The following SYCP2L variants were observed in gnomAD, a reference collection of about 807,000 sequenced individuals.
SYCP2L encodes synaptonemal complex protein 2 like, also known as synaptonemal complex protein 2-like.
Under a neutral mutation model 125.8 loss-of-function variants are expected in SYCP2L, and 98 were observed. The observed-to-expected ratio is 0.78, with a 90% CI of 0.66 to 0.92. The LOEUF is 0.92. Among genes scored for constraint, SYCP2L ranks in the 40% least tolerant of loss-of-function variants. The pLI is 0.00. For synonymous variants in SYCP2L, 317 were observed against 325.4 expected, an observed-to-expected ratio of 0.97 and a Z score of 0.28; for missense variants, 842 against 936.4, an observed-to-expected ratio of 0.90 and a Z score of 1.32.
chr6:10,887,659 A>T (rs1254132105), intron 1 of SYCP2L, among the ~76,000 whole-genome samples: 1 of 152,212 alleles, frequency 6.6e-6, no homozygotes, highest in Non-Finnish European at 1.5e-5. Context: ...CGTGTTTCTA[A>T]CATTCTTCTG....
intron 23 of SYCP2L, among the ~76,000 whole-genome samples, chr6:10,949,248 C>T (rs529800209): frequency 1.2e-4 from 18 of 151,938 alleles, no homozygotes; most frequent in Non-Finnish European, 2.2e-4. Context: ...TTTCTGTTTT[C>T]TTGATAAATG....
At chr6:10,889,292 GAC>G (rs1273754463) in intron 1 of SYCP2L, among the ~76,000 whole-genome samples, 16 of 152,018 alleles carry the variant, frequency 1.1e-4, no homozygotes, top group African/African-American at 3.9e-4. Context: ...TATATTAATT[GAC>G]ACATAGTAAT....
chr6:10,932,509 G>C (rs1352941302), intron 20 of SYCP2L, among the ~76,000 whole-genome samples: 3 of 152,098 alleles, frequency 2.0e-5, no homozygotes, highest in Non-Finnish European at 4.4e-5. Flanking sequence ...GTTTGGTTAG[G>C]GTTTTAATCA....
intron 21 of SYCP2L, among the ~76,000 whole-genome samples, chr6:10,941,816 A>G (rs1436358405): frequency 2.0e-5 from 3 of 152,214 alleles, no homozygotes; most frequent in Admixed American, 2.0e-4. Flanking sequence ...ATATACCCAA[A>G]GGATTATAAA....
intron 14 of SYCP2L, among the ~76,000 whole-genome samples, chr6:10,917,945 T>C (rs1408091382): frequency 6.6e-6 from 1 of 152,068 alleles, no homozygotes; most frequent in Non-Finnish European, 1.5e-5. Flanking sequence ...CTGATAATTG[T>C]TTTGTTTGAG....
At chr6:10,926,256 G>A (rs1197413189) in intron 15 of SYCP2L, 83 bp from the exon 16 acceptor site, 9 of 1,001,432 alleles carry the variant, frequency 9.0e-6, no homozygotes, top group East Asian at 2.4e-5. Context: ...AGTGTGTTTT[G>A]TTCTAAGCTT....
At position 10,891,613 on chromosome 6, in the gene SYCP2L, CTGTGTG is replaced by C. The variant is rs3066124; in HGVS notation, c.78+78_78+83del. On this transcript the variant is annotated intron_variant, in intron 2 of 29. Transcript: ENST00000283141. Reference sequence around the variant, plus strand: ...ATCAAGTTTCTTTTATAATCTCTCTCTGTGTGTGTGTGTGTGTGTGTGTGTGTGTGT... The same window carrying C: ...ATCAAGTTTCTTTTATAATCTCTCTCTGTGTGTGTGTGTGTGTGTGTGTGT... 7.5e-3 allele frequency: 891 copies of C among 119,312 alleles called. 5 individuals are homozygous for C. Among genetic ancestry groups the C allele is most frequent in the African/African-American group, 0.021 (601 of 28,590 alleles). 7.4% of individuals were successfully genotyped at this position (119,312 alleles called of 1,614,324 possible).
chr6:10,935,764 G>A (rs1781082969), intron 21 of SYCP2L, among the ~76,000 whole-genome samples: 1 of 152,218 alleles, frequency 6.6e-6, no homozygotes, highest in Non-Finnish European at 1.5e-5. Context: ...CAAAGTGCTG[G>A]GACTACAGGC....
At chr6:10,966,347 A>G (rs1781677708) in intron 29 of SYCP2L, among the ~76,000 whole-genome samples, 1 of 152,286 alleles carries the variant, frequency 6.6e-6, no homozygotes, top group South Asian at 2.1e-4. Flanking sequence ...AAAATTCTAC[A>G]TCTGTTTTTG....
intron 2 of SYCP2L, 128 bp from the exon 3 acceptor site, chr6:10,893,739 A>C: frequency 9.7e-7 from 1 of 1,035,062 alleles, no homozygotes; most frequent in Non-Finnish European, 1.4e-6. Flanking sequence ...CAAGATAGAG[A>C]TCTCCATTCT....
intron 23 of SYCP2L, 113 bp downstream of exon 23, chr6:10,942,859 T>A: frequency 1.0e-6 from 1 of 955,342 alleles, no homozygotes; most frequent in Non-Finnish European, 1.6e-6. Flanking sequence ...GCACAGTGAC[T>A]ATTGCCAGGC....
At chr6:10,951,665 T>G (rs1781413243) in intron 23 of SYCP2L, among the ~76,000 whole-genome samples, 1 of 152,210 alleles carries the variant, frequency 6.6e-6, no homozygotes, top group South Asian at 2.1e-4. Context: ...AACAAAGTAC[T>G]TGCCTTGGGA....
At chr6:10,894,330 C>A in intron 4 of SYCP2L, 126 bp downstream of exon 4, 1 of 1,213,526 alleles carries the variant, frequency 8.2e-7, no homozygotes, top group Non-Finnish European at 1.2e-6. Context: ...AATTGATATC[C>A]ATTCTTATTG....
intron 6 of SYCP2L, among the ~76,000 whole-genome samples, chr6:10,902,262 A>G (rs954319157): frequency 5.3e-5 from 8 of 152,174 alleles, no homozygotes; most frequent in African/African-American, 1.9e-4. Flanking sequence ...CTTTGTTTTT[A>G]TCTTCATATG....
chr6:10,891,441 T>G, intron 1 of SYCP2L, 72 bp from the exon 2 acceptor site: 98 of 884,272 alleles, frequency 1.1e-4, no homozygotes, highest in Middle Eastern at 3.2e-4. Context: ...TTTTTTTTGC[T>G]TTGTGTTTAA....
intron 1 of SYCP2L, among the ~76,000 whole-genome samples, chr6:10,890,004 T>C (rs1040770667): frequency 6.6e-5 from 10 of 152,226 alleles, no homozygotes; most frequent in Non-Finnish European, 1.5e-4. Flanking sequence ...TAGCATAATG[T>C]CCTTCAGGCT....
intron 28 of SYCP2L, among the ~76,000 whole-genome samples, chr6:10,961,883 C>G (rs1781600001): frequency 1.3e-5 from 2 of 152,140 alleles, no homozygotes; most frequent in Admixed American, 1.3e-4. Flanking sequence ...AAACAGTTTT[C>G]AGTTTTATAC....
intron 2 of SYCP2L, among the ~76,000 whole-genome samples, chr6:10,891,987 G>C (rs9368446): frequency 6.6e-6 from 1 of 152,048 alleles, no homozygotes; most frequent in Non-Finnish European, 1.5e-5. Flanking sequence ...AAAAGAACAG[G>C]GTAATGAGAT....
intron 23 of SYCP2L, among the ~76,000 whole-genome samples, chr6:10,946,247 T>G (rs1439306980): frequency 6.6e-6 from 1 of 152,190 alleles, no homozygotes; most frequent in Non-Finnish European, 1.5e-5. Context: ...AGTTATATAC[T>G]CTATTTCTTT....
Sources: allele counts gnomAD v4.1 joint callset (sites outside exome capture counted in the v4.1 genomes callset), GRCh38; gene constraint gnomAD v4.1.1; transcripts MANE v1.5; gene names NCBI Gene and HGNC (gene_info 2026-07-23, HGNC 2026-07-21).